The following SHROOM3 variants were observed in gnomAD, a reference collection of about 807,000 sequenced individuals.
SHROOM3 encodes shroom family member 3.
SHROOM3 carries 47 observed loss-of-function variants against 138.6 expected under a neutral mutation model. The observed-to-expected ratio is 0.34, with a 90% CI of 0.27 to 0.43. SHROOM3 has a LOEUF of 0.43. SHROOM3 is among the 20% of genes least tolerant of loss of function. SHROOM3 has a pLI of 1.00. For missense variants in SHROOM3, 2,491 were observed against 2,596.5 expected (o/e 0.96, Z 0.88); for synonymous variants, 1,062 against 1,063.3 (o/e 1.00, Z 0.02).
chr4:76,448,863 G>A (rs1023281941), intron 1 of SHROOM3, among the ~76,000 whole-genome samples: 1 of 152,154 alleles, frequency 6.6e-6, no homozygotes, highest in African/African-American at 2.4e-5. Context: ...TTGGAGCATT[G>A]CACTGTACTA....
At chr4:76,499,350 G>C (rs1461214647) in intron 1 of SHROOM3, among the ~76,000 whole-genome samples, 1 of 152,152 alleles carries the variant, frequency 6.6e-6, no homozygotes, top group Non-Finnish European at 1.5e-5. Context: ...ATAAAGCCCT[G>C]GCACAAAGTA....
At chr4:76,633,408 C>T (rs1735389362) in intron 2 of SHROOM3, among the ~76,000 whole-genome samples, 1 of 151,052 alleles carries the variant, frequency 6.6e-6, no homozygotes, top group Admixed American at 6.6e-5. Flanking sequence ...GTGGCTCACG[C>T]CTGTAATCCC....
At chr4:76,772,132 C>A (rs1722382637) in intron 10 of SHROOM3, among the ~76,000 whole-genome samples, 1 of 137,402 alleles carries the variant, frequency 7.3e-6, no homozygotes, top group Non-Finnish European at 1.5e-5. Context: ...GAGACAGAGT[C>A]TCACTCCGTC....
At chr4:76,693,379 T>TTTTTTG (rs1553937651) in intron 2 of SHROOM3, among the ~76,000 whole-genome samples, 9 of 102,104 alleles carry the variant, frequency 8.8e-5, no homozygotes, top group East Asian at 4.8e-4. Context: ...TGTTTTTTTT[T>TTTTTTG]TTTTTTTTTT....
chr4:76,558,510 C>G (rs1733532975), intron 2 of SHROOM3, among the ~76,000 whole-genome samples: 1 of 152,088 alleles, frequency 6.6e-6, no homozygotes, highest in Admixed American at 6.6e-5. Flanking sequence ...CTGGAGGCCC[C>G]CCCTTTCATT....
chr4:76,509,209 TAA>T, intron 1 of SHROOM3: 1 of 152,224 alleles, frequency 6.6e-6, no homozygotes, highest in African/African-American at 2.4e-5. Flanking sequence ...GGAATTTTTT[TAA>T]AATTTCATTT....
chr4:76,629,957 T>A (rs1259358381), intron 2 of SHROOM3, among the ~76,000 whole-genome samples: 1 of 152,154 alleles, frequency 6.6e-6, no homozygotes, highest in East Asian at 1.9e-4. Flanking sequence ...ACCATGAAAT[T>A]TCCATGGGAA....
intron 1 of SHROOM3, among the ~76,000 whole-genome samples, chr4:76,471,872 C>T (rs554440517): frequency 6.7e-6 from 1 of 150,298 alleles, no homozygotes; most frequent in African/African-American, 2.5e-5. Context: ...ATCAGAGTTA[C>T]CTAGGAAGAG....
chr4:76,772,454 C>G (rs183768669), intron 10 of SHROOM3, among the ~76,000 whole-genome samples: 1 of 152,102 alleles, frequency 6.6e-6, no homozygotes, highest in Non-Finnish European at 1.5e-5. Context: ...CCAATAATTT[C>G]TCCTAATACA....
At chr4:76,694,281 C>T (rs1428415598) in intron 2 of SHROOM3, among the ~76,000 whole-genome samples, 3 of 152,142 alleles carry the variant, frequency 2.0e-5, no homozygotes, top group Non-Finnish European at 4.4e-5. Context: ...ATAGACACTC[C>T]AGCCACAAGT....
intron 9 of SHROOM3, among the ~76,000 whole-genome samples, chr4:76,765,198 G>T (rs1350808591): frequency 6.6e-6 from 1 of 151,398 alleles, no homozygotes; most frequent in African/African-American, 2.4e-5. Context: ...TGCTGAGAAG[G>T]TCTCTTTTTA....
At chr4:76,541,915 G>C (rs914787013) in intron 1 of SHROOM3, among the ~76,000 whole-genome samples, 2 of 152,164 alleles carry the variant, frequency 1.3e-5, no homozygotes, top group Non-Finnish European at 2.9e-5. Context: ...ATGGAGCAGA[G>C]GAAGGACTGG....
intron 2 of SHROOM3, among the ~76,000 whole-genome samples, chr4:76,665,099 T>C (rs567694020): frequency 1.3e-5 from 2 of 152,322 alleles, no homozygotes; most frequent in East Asian, 3.9e-4. Flanking sequence ...TTACAGTTCT[T>C]ACCAGGGTTT....
At chr4:76,530,907 A>G (rs975047409) in intron 1 of SHROOM3, among the ~76,000 whole-genome samples, 9 of 152,086 alleles carry the variant, frequency 5.9e-5, no homozygotes, top group Admixed American at 5.9e-4. Flanking sequence ...TTTTCAGTGG[A>G]CTCAGATGTA....
chr4:76,568,274 A>G (rs969381957), intron 2 of SHROOM3, among the ~76,000 whole-genome samples: 2 of 152,190 alleles, frequency 1.3e-5, no homozygotes, highest in African/African-American at 4.8e-5. Context: ...GCCCTGTGCC[A>G]TGGTTTCATG....
At chr4:76,707,489 C>T (rs1202258053) in intron 2 of SHROOM3, among the ~76,000 whole-genome samples, 2 of 152,008 alleles carry the variant, frequency 1.3e-5, no homozygotes, top group Non-Finnish European at 2.9e-5. Flanking sequence ...TTGCCTGAGT[C>T]GTGTATAACC....
intron 2 of SHROOM3, among the ~76,000 whole-genome samples, chr4:76,615,663 T>G (rs1021520400): frequency 6.6e-6 from 1 of 151,696 alleles, no homozygotes; most frequent in Non-Finnish European, 1.5e-5. Context: ...ATACTTGATC[T>G]AGGAGAGGTG....
At chr4:76,534,702 C>G (rs1218387716) in intron 1 of SHROOM3, among the ~76,000 whole-genome samples, 1 of 152,156 alleles carries the variant, frequency 6.6e-6, no homozygotes, top group African/African-American at 2.4e-5. Context: ...TCATCATGAT[C>G]ACAAGAGAAA....
intron 1 of SHROOM3, among the ~76,000 whole-genome samples, chr4:76,461,482 G>A (rs1263642830): frequency 1.3e-5 from 2 of 152,152 alleles, no homozygotes; most frequent in Non-Finnish European, 2.9e-5. Flanking sequence ...CACACTAGTT[G>A]TTTCAGCAGA....
Sources: allele counts gnomAD v4.1 joint callset (sites outside exome capture counted in the v4.1 genomes callset), GRCh38; gene constraint gnomAD v4.1.1; transcripts MANE v1.5; gene names NCBI Gene and HGNC (gene_info 2026-07-23, HGNC 2026-07-21).